STK4: variants seen among roughly 807,000 people sequenced by gnomAD.
The protein encoded by STK4 is serine/threonine-protein kinase 4.
In STK4, 30 loss-of-function variants were observed where a neutral mutation model predicts 64.9. The observed-to-expected ratio is 0.46, with a 90% CI of 0.35 to 0.63. The LOEUF is 0.63. Among genes scored for constraint, STK4 ranks in the 20% least tolerant of loss-of-function variants. The pLI is 0.01. For missense variants in STK4, 466 were observed against 598.5 expected, an observed-to-expected ratio of 0.78 and a Z score of 2.31; for synonymous variants, 177 against 199.0, an observed-to-expected ratio of 0.89 and a Z score of 0.93.
chr20:45,065,405 G>T (rs1263179379), intron 10 of STK4, among the ~76,000 whole-genome samples: 1 of 151,998 alleles, frequency 6.6e-6, no homozygotes, highest in Non-Finnish European at 1.5e-5. Flanking sequence ...ATGGCCTGAA[G>T]TTTTTTTGTT....
chr20:44,985,437 G>A (rs931657312), intron 4 of STK4, among the ~76,000 whole-genome samples: 1 of 152,008 alleles, frequency 6.6e-6, no homozygotes, highest in Non-Finnish European at 1.5e-5. Context: ...TCCGCCTCCC[G>A]GGTTCAAGTG....
At chr20:44,979,852 G>T (rs933910750) in intron 3 of STK4, among the ~76,000 whole-genome samples, 12 of 151,534 alleles carry the variant, frequency 7.9e-5, no homozygotes, top group African/African-American at 2.9e-4. Context: ...CCAGATGAAG[G>T]TGGCAGTTTT....
intron 10 of STK4, among the ~76,000 whole-genome samples, chr20:45,027,202 G>T (rs2068364729): frequency 6.6e-6 from 1 of 152,158 alleles, no homozygotes; most frequent in Non-Finnish European, 1.5e-5. Flanking sequence ...GCCAAGGCCG[G>T]TCAATCACCT....
intron 2 of STK4, 200 bp downstream of exon 2, chr20:44,972,358 A>T (rs1430509395): frequency 2.1e-6 from 1 of 483,464 alleles, no homozygotes; most frequent in Non-Finnish European, 3.7e-6. Flanking sequence ...AACACGAAGA[A>T]TATCTATTGT....
At chr20:45,067,352 G>A (rs1282597003) in intron 10 of STK4, among the ~76,000 whole-genome samples, 2 of 152,188 alleles carry the variant, frequency 1.3e-5, no homozygotes, top group Non-Finnish European at 2.9e-5. Context: ...TTGTGACACT[G>A]GAGGAAGAAT....
In STK4 at chr20:44,993,198, T is replaced by C. The variant is rs531830193; in HGVS notation, c.526-1892T>C. ...AATGACATTTTAATCATAAATCATA[T>C]GTATATGTGGTATATATAACAGGTT... On this transcript the variant is annotated intron_variant, in intron 5 of 10. Coordinates refer to ENST00000372806, the MANE Select transcript of STK4 (RefSeq NM_006282.5). Among the ~76,000 whole-genome samples, 89 of 151,874 alleles carry C rather than the reference T, an allele frequency of 5.9e-4. No individual in the cohort carries two copies. The South Asian group carries it at 0.018, about 30-fold the overall frequency.
intron 9 of STK4, among the ~76,000 whole-genome samples, chr20:45,008,508 A>G (rs902149796): frequency 6.6e-6 from 1 of 152,180 alleles, no homozygotes; most frequent in Non-Finnish European, 1.5e-5. Flanking sequence ...TGGTCAACTC[A>G]TCGTATGAAT....
At chr20:44,972,231 A>G in intron 2 of STK4, 73 bp downstream of exon 2, 4 of 1,363,400 alleles carry the variant, frequency 2.9e-6, no homozygotes, top group Non-Finnish European at 4.2e-6. Flanking sequence ...GCAGAAGGAT[A>G]TGAACCTTTC....
At chr20:45,062,771 G>A (rs1427478604) in intron 10 of STK4, among the ~76,000 whole-genome samples, 2 of 151,328 alleles carry the variant, frequency 1.3e-5, no homozygotes. Context: ...TCCGCCTCCC[G>A]GGTTCACGCC....
chr20:45,006,930 G>A (rs2067956994), intron 9 of STK4, among the ~76,000 whole-genome samples: 1 of 152,142 alleles, frequency 6.6e-6, no homozygotes, highest in Non-Finnish European at 1.5e-5. Flanking sequence ...TAAAGCTAAA[G>A]TCCTTGTGAT....
intron 8 of STK4, 23 bp from the exon 9 acceptor site, chr20:45,001,133 ATTAGCCCCAAT>A: frequency 6.3e-7 from 1 of 1,583,450 alleles, no homozygotes; most frequent in Non-Finnish European, 8.6e-7. Context: ...CTTTTGTCAA[ATTAGCCCCAAT>A]TTGAGATTGT....
chr20:44,993,024 T>G (rs1226574065), intron 5 of STK4, among the ~76,000 whole-genome samples: 1 of 152,182 alleles, frequency 6.6e-6, no homozygotes, highest in Non-Finnish European at 1.5e-5. Context: ...AAGTATTCGT[T>G]GGGCTTTGTT....
chr20:45,033,045 A>G (rs2068471246), intron 10 of STK4, among the ~76,000 whole-genome samples: 1 of 152,094 alleles, frequency 6.6e-6, no homozygotes, highest in Non-Finnish European at 1.5e-5. Context: ...TTTTTTTCAC[A>G]TGCTTATTGA....
chr20:45,024,677 G>A (rs2068312121), intron 9 of STK4, among the ~76,000 whole-genome samples: 1 of 152,156 alleles, frequency 6.6e-6, no homozygotes, highest in Non-Finnish European at 1.5e-5. Flanking sequence ...TGTATTATTT[G>A]CAGATTATCA....
chr20:44,982,022 TCTC>T, intron 4 of STK4, 79 bp downstream of exon 4: 1 of 928,814 alleles, frequency 1.1e-6, no homozygotes, highest in Non-Finnish European at 1.7e-6. Context: ...TTCAGGGCAT[TCTC>T]CTACTAGAGA....
At chr20:45,047,163 T>C (rs1267242566) in intron 10 of STK4, among the ~76,000 whole-genome samples, 1 of 152,198 alleles carries the variant, frequency 6.6e-6, no homozygotes, top group Non-Finnish European at 1.5e-5. Context: ...GCTTGTTGTG[T>C]GTTAGGTCCC....
intron 10 of STK4, among the ~76,000 whole-genome samples, chr20:45,040,377 T>C (rs2068593795): frequency 6.6e-6 from 1 of 152,144 alleles, no homozygotes; most frequent in South Asian, 2.1e-4. Context: ...TCCAAAGATA[T>C]AACCAGGGAT....
intron 10 of STK4, among the ~76,000 whole-genome samples, chr20:45,056,121 A>T (rs1255608542): frequency 2.0e-5 from 3 of 152,186 alleles, no homozygotes; most frequent in Non-Finnish European, 4.4e-5. Context: ...TTGCTATGTA[A>T]TATTTTTGTA....
At chr20:45,070,861 G>A (rs1452430072) in intron 10 of STK4, among the ~76,000 whole-genome samples, 12 of 149,078 alleles carry the variant, frequency 8.0e-5, no homozygotes, top group Middle Eastern at 3.4e-3. Context: ...GCACTTGCCT[G>A]GGGGACAGAG....
Sources: allele counts gnomAD v4.1 joint callset (sites outside exome capture counted in the v4.1 genomes callset), GRCh38; gene constraint gnomAD v4.1.1; transcripts MANE v1.5; gene names NCBI Gene and HGNC (gene_info 2026-07-23, HGNC 2026-07-21).